CDR2: variants seen among roughly 807,000 people sequenced by gnomAD.
The protein encoded by CDR2 is cerebellar degeneration-related protein 2.
In CDR2, 34 loss-of-function variants were observed where a neutral mutation model predicts 48.4. The ratio of observed to expected loss-of-function variants is 0.70; its 90% CI spans 0.53 to 0.94. The LOEUF (loss-of-function observed/expected upper bound fraction) is 0.94. Among genes scored for constraint, CDR2 ranks in the 40% least tolerant of loss-of-function variants. The pLI is 0.00. For synonymous variants in CDR2, 240 were observed against 219.7 expected (o/e 1.09, Z -0.82); for missense variants, 498 against 549.5 (o/e 0.91, Z 0.94).
intron 1 of CDR2, among the ~76,000 whole-genome samples, chr16:22,366,425 G>A (rs1400181159): frequency 1.3e-5 from 2 of 152,188 alleles, no homozygotes; most frequent in Admixed American, 6.5e-5. Flanking sequence ...CAAGGAAGAA[G>A]TACAGGAGGA....
At chr16:22,361,897 CTTTT>C (rs11303236) in intron 2 of CDR2, among the ~76,000 whole-genome samples, 2 of 68,144 alleles carry the variant, frequency 2.9e-5, no homozygotes, top group Non-Finnish European at 5.6e-5. Context: ...GAATTTTATA[CTTTT>C]TTTTTTTTTT....
intron 1 of CDR2, among the ~76,000 whole-genome samples, chr16:22,370,139 T>C (rs1324577153): frequency 2.0e-5 from 3 of 152,192 alleles, no homozygotes; most frequent in Non-Finnish European, 4.4e-5. Flanking sequence ...GGCAAAAAAT[T>C]AGTACTGGCA....
intron 1 of CDR2, among the ~76,000 whole-genome samples, chr16:22,373,893 C>T (rs1385473529): frequency 6.6e-6 from 1 of 152,222 alleles, no homozygotes; most frequent in Non-Finnish European, 1.5e-5. Context: ...CCACTTACTG[C>T]GGGACACACT....
At position 22,349,842 on chromosome 16, in the gene CDR2, G is replaced by A. The variant is rs145347510; in HGVS notation, c.200C>T (p.Thr67Met). Residue 67 changes from threonine (T) to methionine (M), a missense_variant, in exon 3 of 5, where the codon ACG becomes ATG. Coordinates refer to ENST00000268383, the MANE Select transcript of CDR2 (RefSeq NM_001802.2). ...QEQLQEIEYL[T>M]KQVELLRQMN... ...CTGCCGTAGAAGTTCCACTTGCTTC[G>A]TCAGATACTGTAAGAGAAGATCAGG... The A allele has an allele frequency of 2.2e-5, 35 of 1,613,804 alleles. No individual in the cohort carries two copies. Among genetic ancestry groups the A allele is most frequent in the Non-Finnish European group, 2.7e-5 (32 of 1,179,880 alleles).
intron 2 of CDR2, among the ~76,000 whole-genome samples, chr16:22,361,614 C>T (rs1238909805): frequency 6.6e-6 from 1 of 152,204 alleles, no homozygotes; most frequent in East Asian, 1.9e-4. Flanking sequence ...TTAGCCATTA[C>T]TGCCATCTCA....
intron 2 of CDR2, among the ~76,000 whole-genome samples, chr16:22,358,858 T>C (rs544797713): frequency 3.3e-5 from 5 of 152,220 alleles, no homozygotes; most frequent in Non-Finnish European, 7.3e-5. Context: ...TTAAAGTCTA[T>C]TTCCAGTAAT....
chr16:22,356,251 G>C (rs1246382901), intron 2 of CDR2, among the ~76,000 whole-genome samples: 1 of 152,114 alleles, frequency 6.6e-6, no homozygotes, highest in Non-Finnish European at 1.5e-5. Flanking sequence ...GGGATCCATG[G>C]CACCAAAGAA....
intron 2 of CDR2, among the ~76,000 whole-genome samples, chr16:22,354,489 C>T (rs1313826275): frequency 1.3e-5 from 2 of 152,230 alleles, no homozygotes; most frequent in African/African-American, 4.8e-5. Context: ...CCTGAAATTA[C>T]AAACTAGTTA....
intron 2 of CDR2, among the ~76,000 whole-genome samples, chr16:22,356,940 C>CA (rs1047380020): frequency 5.8e-3 from 165 of 28,380 alleles, no homozygotes; most frequent in South Asian, 0.014. Flanking sequence ...GACTCCATCT[C>CA]AAAAAAAAAA....
chr16:22,373,336 T>C (rs899435034), intron 1 of CDR2, among the ~76,000 whole-genome samples: 2 of 152,208 alleles, frequency 1.3e-5, no homozygotes, highest in Non-Finnish European at 2.9e-5. Flanking sequence ...CAGAGATAGA[T>C]GCGCTCTTTC....
At position 22,353,743 on chromosome 16, in the gene CDR2, G is replaced by A. The variant is rs185954194; in HGVS notation, c.193-3894C>T. Among the ~76,000 whole-genome samples the A allele has an allele frequency of 6.4e-4, 97 of 152,152 alleles. 1 individual carries two copies. The highest frequency in any genetic ancestry group is 3.4e-3 in the Middle Eastern group (1 of 294). ...CTCTAAAAAATTACCATTCTTTGTT[G>A]AAGATACTACATAAGCTGGAATTCA... On this transcript the variant is annotated intron_variant, in intron 2 of 4. Transcript: ENST00000268383.
Position 22,349,297 on chromosome 16 carries a change from T to A in CDR2, c.488A>T (p.Glu163Val). ...KPAPSFACLK[E>V]LYDLRQHFVY... is the part of the protein sequence containing the mutation. ...CTCTTACTGGCGGAGGTCATACAGC[T>A]CCTTCAGACATGCAAAGCTGGGTGC... The change falls in exon 4 of 5, where the codon GAG (glutamate) becomes GTG (valine). Residue 163 changes from glutamate to valine, a missense_variant. Coordinates refer to ENST00000268383, the MANE Select transcript of CDR2 (RefSeq NM_001802.2). 1 of 1,614,208 alleles carries A rather than the reference T, an allele frequency of 6.2e-7. No individual in the cohort carries two copies. Among genetic ancestry groups the A allele is most frequent in the East Asian group, 2.2e-5 (1 of 44,890 alleles).
chr16:22,349,565 T>TA, intron 3 of CDR2, 122 bp from the exon 4 acceptor site: 1 of 1,400,908 alleles, frequency 7.1e-7, no homozygotes, highest in Non-Finnish European at 9.8e-7. Context: ...GATGTCTATT[T>TA]AATCTCCATT....
chr16:22,365,211 C>CTGT, intron 1 of CDR2, 197 bp from the exon 2 acceptor site: 1 of 487,832 alleles, frequency 2.0e-6, no homozygotes, highest in Non-Finnish European at 3.7e-6. Context: ...TCTTATGTAC[C>CTGT]CATACTTGTA....
chr16:22,360,946 C>T (rs933691541), intron 2 of CDR2, among the ~76,000 whole-genome samples: 3 of 151,788 alleles, frequency 2.0e-5, no homozygotes, highest in South Asian at 2.1e-4. Flanking sequence ...GACAGGGTTT[C>T]GCCATGTTGG....
chr16:22,347,233 T>G lies in CDR2; in HGVS notation c.1097A>C (p.Lys366Thr). ...LKVKYEELLK[K>T]CQEEQDSLSH... ...CAGGGAGTCCTGTTCCTCTTGGCAC[T>G]TCTTCAGCAACTCTTCATACTTCAC... The change falls in exon 5 of 5, where the codon AAG becomes ACG. Residue 366 changes from lysine (K) to threonine (T), a missense_variant. By Grantham distance (78) the Lys-to-Thr change is moderately conservative (BLOSUM62 -1). Transcript: ENST00000268383. 1 of 1,614,210 alleles carries G rather than the reference T, an allele frequency of 6.2e-7. No homozygotes were observed. The highest frequency in any genetic ancestry group is 8.5e-7 in the Non-Finnish European group (1 of 1,180,024).
chr16:22,348,309 C>T (rs746653649), intron 4 of CDR2, among the ~76,000 whole-genome samples: 2 of 152,152 alleles, frequency 1.3e-5, no homozygotes, highest in African/African-American at 4.8e-5. Flanking sequence ...TAAATAAACA[C>T]ATGAAAGCAA....
At chr16:22,352,159 T>C (rs773365909) in intron 2 of CDR2, among the ~76,000 whole-genome samples, 5 of 152,102 alleles carry the variant, frequency 3.3e-5, no homozygotes, top group African/African-American at 1.2e-4. Context: ...GGCTGAGGCA[T>C]GAGAATCTTT....
intron 2 of CDR2, among the ~76,000 whole-genome samples, chr16:22,360,946 C>G (rs933691541): frequency 6.6e-6 from 1 of 151,788 alleles, no homozygotes; most frequent in Non-Finnish European, 1.5e-5. Flanking sequence ...GACAGGGTTT[C>G]GCCATGTTGG....
Sources: allele counts gnomAD v4.1 joint callset (sites outside exome capture counted in the v4.1 genomes callset), GRCh38; gene constraint gnomAD v4.1.1; transcripts MANE v1.5; gene names NCBI Gene and HGNC (gene_info 2026-07-23, HGNC 2026-07-21).